Variants in SMAD3 observed in about 807,000 individuals in gnomAD.
SMAD3 encodes the protein SMAD family member 3.
A neutral mutation model predicts 51.8 loss-of-function variants in SMAD3; 12 were observed. The observed-to-expected ratio is 0.23, with a 90% CI of 0.15 to 0.38. The LOEUF (loss-of-function observed/expected upper bound fraction) is 0.38, where lower values mean the gene tolerates loss of function less well. Among genes scored for constraint, SMAD3 ranks in the 10% least tolerant of loss-of-function variants. The probability of loss-of-function intolerance (pLI) is 1.00; values close to 1 mark genes in which losing one functional copy is unlikely to be tolerated. For synonymous variants in SMAD3, 238 were observed against 227.7 expected (o/e 1.05, Z -0.41); for missense variants, 294 against 565.6 (o/e 0.52, Z 4.87).
intron 1 of SMAD3, among the ~76,000 whole-genome samples, chr15:67,083,007 G>A (rs1242672169): frequency 6.6e-6 from 1 of 152,234 alleles, no homozygotes; most frequent in Non-Finnish European, 1.5e-5. Flanking sequence ...AAATACGTAA[G>A]TTGTCTTCCT....
intron 1 of SMAD3, among the ~76,000 whole-genome samples, chr15:67,066,786 T>G (rs1203682872): frequency 6.6e-6 from 1 of 152,088 alleles, no homozygotes; most frequent in Non-Finnish European, 1.5e-5. Context: ...TGGTGGTGTC[T>G]TTGCGTTTCT....
chr15:67,072,157 TTAA>T (rs1960068773), intron 1 of SMAD3, among the ~76,000 whole-genome samples: 1 of 152,356 alleles, frequency 6.6e-6, no homozygotes, highest in East Asian at 1.9e-4. Flanking sequence ...AAATATTGGT[TTAA>T]TAATGTAAAC....
At chr15:67,186,867 C>T (rs1595962048) in intron 7 of SMAD3, 1 of 355,398 alleles carries the variant, frequency 2.8e-6, no homozygotes, top group South Asian at 2.1e-5. Context: ...GGACGGCAGG[C>T]CCAGTAGCCT....
chr15:67,083,776 T>C (rs186448682), intron 1 of SMAD3, among the ~76,000 whole-genome samples: 2 of 152,330 alleles, frequency 1.3e-5, no homozygotes, highest in Non-Finnish European at 2.9e-5. Context: ...TTCTTCTTTC[T>C]CCTCACACAA....
At position 67,120,194 on chromosome 15, in the gene SMAD3, T is replaced by A. The variant is rs151127533; in HGVS notation, c.207-44701T>A. ...TGTTGTTTCTTTTGCTAGCCGTAAGTCCCTGGAGTACACTGGGTACTTTAT... is the reference window on the plus strand; with the variant it reads ...TGTTGTTTCTTTTGCTAGCCGTAAGACCCTGGAGTACACTGGGTACTTTAT... On this transcript the variant is annotated intron_variant, in intron 1 of 8. Coordinates refer to ENST00000327367, the MANE Select transcript of SMAD3 (RefSeq NM_005902.4). Among the ~76,000 whole-genome samples the A allele has an allele frequency of 5.9e-5, 9 of 152,262 alleles. No homozygotes were observed. The East Asian group carries it at 1.5e-3, about 26-fold the overall frequency.
Position 67,192,899 on chromosome 15 carries a change from G to C in SMAD3, c.*2363G>C, listed in dbSNP as rs1040506824. On this transcript the variant is annotated 3_prime_UTR_variant, in exon 9 of 9. Transcript: ENST00000327367. ...CTACTTCTAGGAGCATGAAGTTTGAGTTTTGTGTTTTTCCAAAGGATACTT... is the reference window on the plus strand; with the variant it reads ...CTACTTCTAGGAGCATGAAGTTTGACTTTTGTGTTTTTCCAAAGGATACTT... The C allele has an allele frequency of 4.3e-6, 1 of 233,266 alleles. No homozygotes were observed. The highest frequency in any genetic ancestry group is 8.5e-6 in the Non-Finnish European group (1 of 118,012). 14.4% of individuals were successfully genotyped at this position (233,266 alleles called of 1,614,324 possible).
chr15:67,145,851 G>A (rs1208667655), intron 1 of SMAD3, among the ~76,000 whole-genome samples: 6 of 152,174 alleles, frequency 3.9e-5, no homozygotes, highest in Admixed American at 3.3e-4. Context: ...CCTGCAAGGC[G>A]GCTGGGGCAC....
intron 1 of SMAD3, among the ~76,000 whole-genome samples, chr15:67,121,150 C>T (rs1192245256): frequency 1.3e-5 from 2 of 152,208 alleles, no homozygotes; most frequent in Non-Finnish European, 2.9e-5. Context: ...TCCTGCAGCC[C>T]CCGCCCTGTC....
intron 7 of SMAD3, among the ~76,000 whole-genome samples, chr15:67,186,175 G>A (rs767011837): frequency 1.3e-5 from 2 of 152,242 alleles, no homozygotes; most frequent in African/African-American, 2.4e-5. Context: ...TGGCCAAGCC[G>A]GGATGGGGCC....
intron 3 of SMAD3, 132 bp from the exon 4 acceptor site, chr15:67,166,644 TCTA>T: frequency 1.4e-6 from 1 of 717,580 alleles, no homozygotes; most frequent in Non-Finnish European, 2.6e-6. Flanking sequence ...AGCTGGAACC[TCTA>T]CTCCAAGACC....
intron 1 of SMAD3, among the ~76,000 whole-genome samples, chr15:67,072,923 C>T (rs963494682): frequency 6.6e-6 from 1 of 152,332 alleles, no homozygotes; most frequent in East Asian, 1.9e-4. Flanking sequence ...TTGTCCAGTT[C>T]ATTTTTATGC....
intron 1 of SMAD3, chr15:67,138,114 G>A (rs1961713672): frequency 6.5e-7 from 1 of 1,544,760 alleles, no homozygotes; most frequent in Non-Finnish European, 8.8e-7. Context: ...GGAGCCCCGT[G>A]CCGGGACATG....
chr15:67,067,269 G>T (rs1452923392), intron 1 of SMAD3, among the ~76,000 whole-genome samples: 1 of 152,156 alleles, frequency 6.6e-6, no homozygotes, highest in East Asian at 1.9e-4. Flanking sequence ...CCTTCCCGTT[G>T]CGCGCTAGCT....
intron 1 of SMAD3, among the ~76,000 whole-genome samples, chr15:67,130,305 C>T (rs778792784): frequency 5.8e-4 from 88 of 152,310 alleles, no homozygotes; most frequent in South Asian, 1.9e-3. Context: ...GCCTTCCACT[C>T]ACCTGACCTC....
chr15:67,119,833 G>A (rs996565070), intron 1 of SMAD3, among the ~76,000 whole-genome samples: 1 of 151,998 alleles, frequency 6.6e-6, no homozygotes, highest in Admixed American at 6.6e-5. Context: ...GTCTCGCTTT[G>A]TCACCCAAGC....
At chr15:67,160,770 C>CAAAAAAA (rs547354315) in intron 1 of SMAD3, among the ~76,000 whole-genome samples, 14 of 61,038 alleles carry the variant, frequency 2.3e-4, no homozygotes, top group Admixed American at 5.5e-4. Context: ...GACTCCATCT[C>CAAAAAAA]AAAAAAAAAA....
At chr15:67,104,629 G>A (rs377149146) in intron 1 of SMAD3, among the ~76,000 whole-genome samples, 39 of 152,232 alleles carry the variant, frequency 2.6e-4, no homozygotes, top group Admixed American at 7.2e-4. Flanking sequence ...TCAGGTGGCC[G>A]AAGACGGATA....
At chr15:67,115,387 A>C (rs1961112454) in intron 1 of SMAD3, among the ~76,000 whole-genome samples, 1 of 152,178 alleles carries the variant, frequency 6.6e-6, no homozygotes, top group Admixed American at 6.5e-5. Context: ...CTCCCTCCAC[A>C]GTCTGCTTTG....
rs1272484755 is a variant in SMAD3 at position 67,191,473 on chromosome 15, T to C, written c.*937T>C. The C allele has an allele frequency of 4.3e-6, 1 of 233,450 alleles. No individual in the cohort carries two copies. The highest frequency in any genetic ancestry group is 8.5e-6 in the Non-Finnish European group (1 of 118,040). The allele number at this position is 233,450 out of a possible 1,614,324, so 14.5% of individuals were successfully genotyped here. A position where few individuals can be genotyped will look rare whatever the true frequency, so the allele number is the denominator to read the frequency against. ...TTCTGATGCATACGGCTATATTGGTTTATGTAGTCAGTTGCATTCATTAAA... is the reference window on the plus strand; with the variant it reads ...TTCTGATGCATACGGCTATATTGGTCTATGTAGTCAGTTGCATTCATTAAA... On this transcript the variant is annotated 3_prime_UTR_variant, in exon 9 of 9. Transcript: ENST00000327367.
Sources: allele counts gnomAD v4.1 joint callset (sites outside exome capture counted in the v4.1 genomes callset), GRCh38; gene constraint gnomAD v4.1.1; transcripts MANE v1.5; gene names NCBI Gene and HGNC (gene_info 2026-07-23, HGNC 2026-07-21).